TNFSF13: variants seen among roughly 807,000 people sequenced by gnomAD.
TNFSF13 encodes tumor necrosis factor ligand superfamily member 13.
Under a neutral mutation model 30.7 loss-of-function variants are expected in TNFSF13, and 18 were observed. The observed-to-expected ratio is 0.59, with a 90% CI of 0.41 to 0.87. The LOEUF is 0.87. TNFSF13 is among the 40% of genes least tolerant of loss of function. The pLI, the probability that TNFSF13 is intolerant of heterozygous loss-of-function variation, is 0.00. For missense variants in TNFSF13, 286 were observed against 308.8 expected (o/e 0.93, Z 0.55); for synonymous variants, 116 against 123.2 (o/e 0.94, Z 0.39).
At position 7,559,257 on chromosome 17, in the gene TNFSF13, A is replaced by G; in HGVS notation, c.218A>G (p.Gln73Arg). 6.2e-7 allele frequency: 1 copy of G among 1,609,130 alleles called. No individual in the cohort carries two copies. Among genetic ancestry groups the G allele is most frequent in the Non-Finnish European group, 8.5e-7 (1 of 1,178,762 alleles). ...CTGCAGGGGACAGGAGGCCCCTCCC[A>G]GAATGGGGAAGGGTATCCCTGGCAG... ...SRLQGTGGPS[Q>R]NGEGYPWQSL... Residue 73 changes from glutamine (Q) to arginine (R), a missense_variant, in exon 1 of 6, where the codon CAG (glutamine) becomes CGG (arginine). Gln to Arg is a conservative substitution (Grantham distance 43). Coordinates refer to ENST00000338784, the MANE Select transcript of TNFSF13 (RefSeq NM_003808.4). This position sits in a 1 kb window ranked among gnomAD's most constrained non-coding sequence, Gnocchi z 5.4.
chr17:7,560,211 C>T (rs1222995498), intron 4 of TNFSF13, 44 bp downstream of exon 4: 3 of 1,612,948 alleles, frequency 1.9e-6, no homozygotes, highest in South Asian at 1.1e-5. Flanking sequence ...GCCTCTTTGG[C>T]CCCCTACTGA....
chr17:7,558,731 CTG>C (rs2071113342), upstream of TNFSF13: 1 of 214,484 alleles, frequency 4.7e-6, no homozygotes, highest in Non-Finnish European at 9.2e-6. This position sits in a 1 kb window ranked among gnomAD's most constrained non-coding sequence, Gnocchi z 4.3. Context: ...TTCCTGCGCA[CTG>C]CCTGTTCCTC....
rs183950986 is a variant in TNFSF13 at position 7,561,439 on chromosome 17, T to C, written c.*606T>C. The C allele has an allele frequency of 3.2e-4, 74 of 229,030 alleles. No individual in the cohort carries two copies. Among genetic ancestry groups the C allele is most frequent in the African/African-American group, 1.5e-3 (64 of 42,836 alleles). The allele number at this position is 229,030 out of a possible 1,614,324, so 14.2% of individuals were successfully genotyped here. On this transcript the variant is annotated 3_prime_UTR_variant, in exon 6 of 6. Coordinates refer to ENST00000338784, the MANE Select transcript of TNFSF13 (RefSeq NM_003808.4). This position sits in a 1 kb window ranked among gnomAD's most constrained non-coding sequence, Gnocchi z 4.4. ...CAAGGTTTGGCTTTCACGCGCTCCA[T>C]TGCCCCGGCGTGGCAGGCCATTCCA...
At position 7,559,773 on chromosome 17, in the gene TNFSF13, G is replaced by T; in HGVS notation, c.337+71G>T. 1 of 1,614,036 alleles carries T rather than the reference G, an allele frequency of 6.2e-7. No individual in the cohort carries two copies. ...GTGGGGATTGTAAGCCCGAGTCAGG[G>T]TGAGGGTGGAGGCTGCCAACAGCAC... is the stretch of plus-strand genomic sequence containing the variant. On this transcript the variant is annotated intron_variant, in intron 2 of 5. Coordinates refer to ENST00000338784, the MANE Select transcript of TNFSF13 (RefSeq NM_003808.4). This position sits in a 1 kb window ranked among gnomAD's most constrained non-coding sequence, Gnocchi z 5.4.
At position 7,559,047 on chromosome 17, in the gene TNFSF13, C is replaced by T. The variant is rs1252173389; in HGVS notation, c.8C>T (p.Ala3Val). 2 of 1,539,744 alleles carry T rather than the reference C, an allele frequency of 1.3e-6. No homozygotes were observed. Among genetic ancestry groups the T allele is most frequent in the Admixed American group, 3.9e-5 (2 of 51,002 alleles). MP[A>V]SSPFLLAPKG... The stretch of plus-strand genomic sequence containing the variant: ...TGGCAGGGTCCCCAGCTCATGCCAG[C>T]CTCATCTCCTTTCTTGCTAGCCCCC... The change falls in exon 1 of 6, where the codon GCC becomes GTC. Residue 3 changes from alanine (A) to valine (V), a missense_variant. Physicochemically the swap from Ala to Val is moderately conservative, Grantham distance 64. Coordinates refer to ENST00000338784, the MANE Select transcript of TNFSF13 (RefSeq NM_003808.4). The surrounding 1 kb of genome is among the most constrained non-coding windows in gnomAD (Gnocchi z 5.4).
At position 7,558,903 on chromosome 17, in the gene TNFSF13, AT is replaced by A; in HGVS notation, c.-133del. ...CTTGCTTTCCTCCTCCCTCCTTTTT[AT>A]TTTCAAGTTCCTTTTTATTTCTCCT... On this transcript the variant is annotated 5_prime_UTR_variant, in exon 1 of 6. Transcript: ENST00000338784. This position sits in a 1 kb window ranked among gnomAD's most constrained non-coding sequence, Gnocchi z 4.3. 9.2e-7 allele frequency: 1 copy of A among 1,092,626 alleles called. No individual in the cohort carries two copies. Among genetic ancestry groups the A allele is most frequent in the Non-Finnish European group, 1.2e-6 (1 of 808,070 alleles). 67.7% of individuals were successfully genotyped at this position (1,092,626 alleles called of 1,614,324 possible).
chr17:7,560,935 A>AG lies in TNFSF13; in HGVS notation c.*103dup. The AG allele has an allele frequency of 6.2e-7, 1 of 1,614,220 alleles. No homozygotes were observed. Among genetic ancestry groups the AG allele is most frequent in the South Asian group, 1.1e-5 (1 of 91,086 alleles). On this transcript the variant is annotated 3_prime_UTR_variant, in exon 6 of 6. Coordinates refer to ENST00000338784, the MANE Select transcript of TNFSF13 (RefSeq NM_003808.4). ...TAAAGGAGAGGGAATGTGCAGGAAC[A>AG]GAGGCGTCTTCCTGGGTTTGGCTCC... is the stretch of plus-strand genomic sequence containing the variant.
intron 5 of TNFSF13, 72 bp downstream of exon 5, chr17:7,560,560 G>A: frequency 1.2e-6 from 2 of 1,611,038 alleles, no homozygotes; most frequent in South Asian, 2.2e-5. Flanking sequence ...GCTACCGCTA[G>A]GAGGGAGGTT....
At chr17:7,560,530 C>CG in intron 5 of TNFSF13, 42 bp downstream of exon 5, 1 of 1,613,102 alleles carries the variant, frequency 6.2e-7, no homozygotes, top group East Asian at 2.2e-5. Context: ...CGTCTCTGAC[C>CG]GGGGGTAGCA....
At position 7,559,082 on chromosome 17, in the gene TNFSF13, C is replaced by T. The variant is rs1170501750; in HGVS notation, c.43C>T (p.Pro15Ser). 6.9e-6 allele frequency: 11 copies of T among 1,586,928 alleles called. No individual in the cohort carries two copies. Among genetic ancestry groups the T allele is most frequent in the Non-Finnish European group, 9.5e-6 (11 of 1,162,194 alleles). ...TTTCTTGCTAGCCCCCAAAGGGCCT[C>T]CAGGCAACATGGGGGGCCCAGTCAG... ...SPFLLAPKGPPGNMGGPVREP... is the reference protein window; with the variant it reads ...SPFLLAPKGPSGNMGGPVREP... Residue 15 changes from proline (P) to serine (S), a missense_variant, in exon 1 of 6, where the codon CCA (proline) becomes TCA (serine). Pro to Ser is a moderately conservative substitution (Grantham distance 74). Transcript: ENST00000338784. The surrounding 1 kb of genome is among the most constrained non-coding windows in gnomAD (Gnocchi z 5.4).
chr17:7,559,228 C>A lies in TNFSF13; in HGVS notation c.189C>A (p.Ser63Arg), dbSNP rs1380153837. ...TELQSLRREV[S>R]RLQGTGGPSQ... ...TGCAGAGCCTCAGGAGAGAGGTGAGCCGGCTGCAGGGGACAGGAGGCCCCT... is the reference window on the plus strand; with the variant it reads ...TGCAGAGCCTCAGGAGAGAGGTGAGACGGCTGCAGGGGACAGGAGGCCCCT... Residue 63 changes from serine (S) to arginine (R), a missense_variant, in exon 1 of 6, where the codon AGC becomes AGA. Coordinates refer to ENST00000338784, the MANE Select transcript of TNFSF13 (RefSeq NM_003808.4). This position sits in a 1 kb window ranked among gnomAD's most constrained non-coding sequence, Gnocchi z 5.4. The A allele has an allele frequency of 1.9e-6, 3 of 1,610,608 alleles. No homozygotes were observed. Among genetic ancestry groups the A allele is most frequent in the East Asian group, 4.5e-5 (2 of 44,832 alleles).
chr17:7,559,068 C>T lies in TNFSF13; in HGVS notation c.29C>T (p.Ala10Val), dbSNP rs919541080. The change falls in exon 1 of 6, where the codon GCC becomes GTC. Residue 10 changes from alanine to valine, a missense_variant. By Grantham distance (64) the Ala-to-Val change is moderately conservative. Coordinates refer to ENST00000338784, the MANE Select transcript of TNFSF13 (RefSeq NM_003808.4). The surrounding 1 kb of genome is among the most constrained non-coding windows in gnomAD (Gnocchi z 5.4). ...CCAGCCTCATCTCCTTTCTTGCTAG[C>T]CCCCAAAGGGCCTCCAGGCAACATG... MPASSPFLL[A>V]PKGPPGNMGG... 1 of 1,564,682 alleles carries T rather than the reference C, an allele frequency of 6.4e-7. No homozygotes were observed. The highest frequency in any genetic ancestry group is 8.7e-7 in the Non-Finnish European group (1 of 1,150,740).
At chr17:7,560,646 G>C in intron 5 of TNFSF13, 78 bp from the exon 6 acceptor site, 1 of 1,612,436 alleles carries the variant, frequency 6.2e-7, no homozygotes, top group East Asian at 2.2e-5. Context: ...AGGAACGGTG[G>C]AGCTGGAGAA....
chr17:7,560,395 C>T lies in TNFSF13; in HGVS notation c.550C>T (p.Arg184Ter). The part of the protein sequence containing the change: ...VTFTMGQVVS[R>*]EGQGRQETLF... ...TTTCACCATGGGTCAGGTGGTGTCT[C>T]GAGAAGGCCAAGGAAGGCAGGAGAC... Residue 184 changes from arginine to a stop codon, truncating the protein, a stop_gained, in exon 5 of 6, where the codon CGA (arginine) becomes TGA (stop). Transcript: ENST00000338784. LOFTEE classifies it high-confidence loss of function. 2 of 1,614,134 alleles carry T rather than the reference C, an allele frequency of 1.2e-6. No homozygotes were observed. Among genetic ancestry groups the T allele is most frequent in the East Asian group, 2.2e-5 (1 of 44,884 alleles).
In TNFSF13 at chr17:7,559,156, G is replaced by A; in HGVS notation, c.117G>A (p.Leu39=). The A allele has an allele frequency of 6.2e-7, 1 of 1,612,580 alleles. No individual in the cohort carries two copies. The highest frequency in any genetic ancestry group is 8.5e-7 in the Non-Finnish European group (1 of 1,179,188). The part of the protein sequence containing the change: ...VALWLSWGAA[L]GAVACAMALL... ...TCTGGTTGAGTTGGGGGGCAGCTCT[G>A]GGGGCCGTGGCTTGTGCCATGGCTC... The change falls in exon 1 of 6, where the codon CTG becomes CTA. Residue 39 remains leucine, a synonymous_variant. Transcript: ENST00000338784. The surrounding 1 kb of genome is among the most constrained non-coding windows in gnomAD (Gnocchi z 5.4).
chr17:7,559,088 A>C lies in TNFSF13; in HGVS notation c.49A>C (p.Asn17His). 1 of 1,593,416 alleles carries C rather than the reference A, an allele frequency of 6.3e-7. No individual in the cohort carries two copies. The highest frequency in any genetic ancestry group is 1.7e-4 in the Middle Eastern group (1 of 5,950). ...FLLAPKGPPG[N>H]MGGPVREPAL... ...GCTAGCCCCCAAAGGGCCTCCAGGC[A>C]ACATGGGGGGCCCAGTCAGAGAGCC... The change falls in exon 1 of 6, where the codon AAC becomes CAC. Residue 17 changes from asparagine (N) to histidine (H), a missense_variant. Transcript: ENST00000338784. This position sits in a 1 kb window ranked among gnomAD's most constrained non-coding sequence, Gnocchi z 5.4.
rs1194532451 is a variant in TNFSF13 at position 7,558,819 on chromosome 17, G to T, written c.-221G>T. On this transcript the variant is annotated 5_prime_UTR_variant, in exon 1 of 6. Coordinates refer to ENST00000338784, the MANE Select transcript of TNFSF13 (RefSeq NM_003808.4). This position sits in a 1 kb window ranked among gnomAD's most constrained non-coding sequence, Gnocchi z 4.3. ...CTCCTGAGGCTGAGGGAGGGTGGAG[G>T]GTCTCAAGGCAACGCTGGCCCCACG... The T allele has an allele frequency of 2.6e-5, 11 of 422,856 alleles. No individual in the cohort carries two copies. The highest frequency in any genetic ancestry group is 4.5e-5 in the Non-Finnish European group (11 of 246,256). 26.2% of individuals were successfully genotyped at this position (422,856 alleles called of 1,614,324 possible).
chr17:7,558,321 C>T (rs551900306), upstream of TNFSF13: 1 of 152,304 alleles, frequency 6.6e-6, no homozygotes, highest in East Asian at 1.9e-4. The surrounding 1 kb of genome is among the most constrained non-coding windows in gnomAD (Gnocchi z 4.3). Flanking sequence ...GGAGGAATCC[C>T]GCAGTGGCCG....
rs927609324 is a variant in TNFSF13, at chr17:7,558,941, C to T, written c.-99C>T. ...TTTTTATTTCTCCTTGCGTAACAAC[C>T]TTCTTCCCTTCTGCACCACTGCCCG... On this transcript the variant is annotated 5_prime_UTR_variant, in exon 1 of 6. Transcript: ENST00000338784. The surrounding 1 kb of genome is among the most constrained non-coding windows in gnomAD (Gnocchi z 4.3). 2 of 1,302,160 alleles carry T rather than the reference C, an allele frequency of 1.5e-6. No homozygotes were observed. Among genetic ancestry groups the T allele is most frequent in the Admixed American group, 2.6e-5 (1 of 37,802 alleles). The allele number at this position is 1,302,160 out of a possible 1,614,324, so 80.7% of individuals were successfully genotyped here.
Sources: gnomAD v4.1 joint callset for allele counts on GRCh38, gnomAD v4.1.1 for gene constraint, Gnocchi (gnomAD v3.1) non-coding constraint, MANE v1.5 for transcripts, NCBI Gene and HGNC (gene_info 2026-07-23, HGNC 2026-07-21) for gene names.